The following ZNF804A variants were observed in gnomAD, a reference collection of about 807,000 sequenced individuals.
The protein encoded by ZNF804A is zinc finger protein 804A.
A neutral mutation model predicts 16.5 loss-of-function variants in ZNF804A; 2 were observed. The ratio of observed to expected loss-of-function variants is 0.12; its 90% CI spans 0.05 to 0.38. ZNF804A has a LOEUF of 0.38. Among genes scored for constraint, ZNF804A ranks in the 10% least tolerant of loss-of-function variants. ZNF804A has a pLI of 0.99. For missense variants in ZNF804A, 1,473 were observed against 1,390.7 expected (o/e 1.06, Z -0.94); for synonymous variants, 534 against 489.6 (o/e 1.09, Z -1.20).
chr2:184,786,878 TAG>T (rs1694456666), intron 1 of ZNF804A, among the ~76,000 whole-genome samples: 5 of 152,124 alleles, frequency 3.3e-5, no homozygotes, highest in Admixed American at 3.3e-4. Context: ...GTAATGATGG[TAG>T]AGAGTTTGCA....
chr2:184,905,931 C>CT (rs1558998741), intron 2 of ZNF804A, among the ~76,000 whole-genome samples: 3 of 152,160 alleles, frequency 2.0e-5, no homozygotes, highest in Non-Finnish European at 4.4e-5. Flanking sequence ...TTCTGGACTG[C>CT]TATGTTCCTT....
chr2:184,690,670 C>T (rs2105725115), intron 1 of ZNF804A, among the ~76,000 whole-genome samples: 1 of 152,064 alleles, frequency 6.6e-6, no homozygotes, highest in African/African-American at 2.4e-5. Flanking sequence ...TGAATGTCAC[C>T]TTTATGAAAC....
At chr2:184,927,746 A>G (rs1035691807) in intron 2 of ZNF804A, among the ~76,000 whole-genome samples, 1 of 151,784 alleles carries the variant, frequency 6.6e-6, no homozygotes, top group African/African-American at 2.4e-5. Flanking sequence ...GAGGAGCCTC[A>G]CCCCATGGCC....
At chr2:184,826,367 A>G (rs1051319860) in intron 1 of ZNF804A, among the ~76,000 whole-genome samples, 6 of 152,142 alleles carry the variant, frequency 3.9e-5, no homozygotes, top group Non-Finnish European at 8.8e-5. Flanking sequence ...GACTTCTAAA[A>G]TTAGACTTTC....
At chr2:184,840,902 C>A (rs1232824951) in intron 1 of ZNF804A, among the ~76,000 whole-genome samples, 1 of 152,110 alleles carries the variant, frequency 6.6e-6, no homozygotes. Flanking sequence ...CCCTGAAACA[C>A]CACCATTTCT....
At chr2:184,922,709 CTTTTAG>C (rs1685548744) in intron 2 of ZNF804A, among the ~76,000 whole-genome samples, 1 of 151,772 alleles carries the variant, frequency 6.6e-6, no homozygotes, top group Admixed American at 6.6e-5. Context: ...CCAGTGTTTT[CTTTTAG>C]TTTTATTTGG....
At chr2:184,779,890 T>G (rs1465600140) in intron 1 of ZNF804A, among the ~76,000 whole-genome samples, 1 of 151,694 alleles carries the variant, frequency 6.6e-6, no homozygotes, top group African/African-American at 2.4e-5. Context: ...TGTAAAATTG[T>G]TACAGCAACA....
chr2:184,712,154 T>C (rs1693138873), intron 1 of ZNF804A, among the ~76,000 whole-genome samples: 1 of 151,726 alleles, frequency 6.6e-6, no homozygotes, highest in African/African-American at 2.4e-5. Flanking sequence ...CAGAGTTATG[T>C]AGTTTTCAGT....
At chr2:184,717,098 C>A (rs1457018698) in intron 1 of ZNF804A, among the ~76,000 whole-genome samples, 3 of 152,094 alleles carry the variant, frequency 2.0e-5, no homozygotes, top group Non-Finnish European at 4.4e-5. Flanking sequence ...ACGAATTAGA[C>A]ATAAATAAAT....
At chr2:184,614,578 T>C (rs781486802) in intron 1 of ZNF804A, among the ~76,000 whole-genome samples, 3 of 152,168 alleles carry the variant, frequency 2.0e-5, no homozygotes, top group South Asian at 2.1e-4. Flanking sequence ...GCATTATTAA[T>C]AATGACACTG....
intron 1 of ZNF804A, among the ~76,000 whole-genome samples, chr2:184,830,600 A>G (rs1399436479): frequency 6.6e-6 from 1 of 152,142 alleles, no homozygotes; most frequent in Non-Finnish European, 1.5e-5. Context: ...TAACGTAAGT[A>G]TCTGTATTTT....
chr2:184,938,896 C>T lies in ZNF804A; in HGVS notation c.3500C>T (p.Pro1167Leu). 1 of 1,614,050 alleles carries T rather than the reference C, an allele frequency of 6.2e-7. No homozygotes were observed. The change falls in exon 4 of 4, where the codon CCT (proline) becomes CTT (leucine). Residue 1167 changes from proline (P) to leucine (L), a missense_variant. By Grantham distance (98) the Pro-to-Leu change is moderately conservative. Transcript: ENST00000302277. ...AACCAGCCAACTTTTGTTGCTCCTC[C>T]TCAGATGCCAATCATTCCAGCTTCC... is the stretch of plus-strand genomic sequence containing the variant. Reference protein sequence around the residue: ...PGNQPTFVAPPQMPIIPASVL... With the variant: ...PGNQPTFVAPLQMPIIPASVL...
chr2:184,627,619 A>T (rs1691527044), intron 1 of ZNF804A, among the ~76,000 whole-genome samples: 1 of 152,202 alleles, frequency 6.6e-6, no homozygotes, highest in African/African-American at 2.4e-5. Context: ...GTATATGCAA[A>T]TGTATTATAT....
At chr2:184,787,815 T>G (rs1694471960) in intron 1 of ZNF804A, among the ~76,000 whole-genome samples, 1 of 145,696 alleles carries the variant, frequency 6.9e-6, no homozygotes, top group South Asian at 2.1e-4. Context: ...CTGTTTATTA[T>G]TTCTTTTGCT....
At chr2:184,757,744 G>A (rs59102345) in intron 1 of ZNF804A, among the ~76,000 whole-genome samples, 11,475 of 151,986 alleles carry the variant, frequency 0.076, 1,477 homozygotes, top group African/African-American at 0.26. Context: ...GGAGGATGCT[G>A]TACTTATTCT....
chr2:184,929,660 T>A (rs1685665534), intron 2 of ZNF804A, among the ~76,000 whole-genome samples: 1 of 152,198 alleles, frequency 6.6e-6, no homozygotes, highest in South Asian at 2.1e-4. Flanking sequence ...TAACTAATAA[T>A]CAAAGATTAT....
chr2:184,650,580 G>C (rs1228435638), intron 1 of ZNF804A, among the ~76,000 whole-genome samples: 3 of 152,048 alleles, frequency 2.0e-5, no homozygotes, highest in Non-Finnish European at 4.4e-5. Flanking sequence ...CCACCAAAAA[G>C]CTCCTGGAAC....
intron 1 of ZNF804A, among the ~76,000 whole-genome samples, chr2:184,761,478 T>G (rs965801703): frequency 5.9e-5 from 9 of 152,104 alleles, no homozygotes; most frequent in Admixed American, 3.3e-4. Context: ...ATGATTGAAA[T>G]AGCATTGCAA....
chr2:184,731,512 A>C (rs1314242411), intron 1 of ZNF804A, among the ~76,000 whole-genome samples: 1 of 130,570 alleles, frequency 7.7e-6, no homozygotes, highest in Admixed American at 7.8e-5. Context: ...TTCTATGCTC[A>C]TTTTTCATTT....
Sources: gnomAD v4.1 joint callset for allele counts (sites outside exome capture counted in the v4.1 genomes callset) on GRCh38, gnomAD v4.1.1 for gene constraint, MANE v1.5 for transcripts, NCBI Gene and HGNC (gene_info 2026-07-23, HGNC 2026-07-21) for gene names.